VTI1A: variants seen among roughly 807,000 people sequenced by gnomAD.
VTI1A encodes vesicle transport through interaction with t-SNAREs homolog 1A.
A neutral mutation model predicts 34.9 loss-of-function variants in VTI1A; 22 were observed. The ratio of observed to expected loss-of-function variants is 0.63; its 90% CI spans 0.45 to 0.90. VTI1A has a LOEUF of 0.90. Ranked by LOEUF, VTI1A falls within the 40% of genes least tolerant of loss-of-function variation. The pLI, the probability that VTI1A is intolerant of heterozygous loss-of-function variation, is 0.00. For missense variants in VTI1A, 268 were observed against 275.6 expected (o/e 0.97, Z 0.20); for synonymous variants, 87 against 97.3 (o/e 0.89, Z 0.62).
rs1408856229 is a variant in VTI1A, at chr10:112,461,941, C to CGT, written c.153+1361_153+1362dup. ...ATGTTAGCCAGGCTGGTCTTGAACT[C>CGT]GTGCCCTCAAGTGATCTGCCCGCCT... On this transcript the variant is annotated intron_variant, in intron 2 of 7. Transcript: ENST00000393077. 2.0e-5 allele frequency among the ~76,000 whole-genome samples: 3 copies of CGT among 152,348 alleles called. No homozygotes were observed. The East Asian group carries it at 5.8e-4, about 29-fold the overall frequency.
chr10:112,447,342 C>A lies in VTI1A; in HGVS notation c.-32C>A. The A allele has an allele frequency of 6.2e-7, 1 of 1,606,704 alleles. No homozygotes were observed. The highest frequency in any genetic ancestry group is 8.5e-7 in the Non-Finnish European group (1 of 1,176,684). ...CTCGAGGCCCTTTCCCTGACCTAGG[C>A]TTTGGCCTGGGCTACTCGTTCCGGA... On this transcript the variant is annotated 5_prime_UTR_variant, in exon 1 of 8. Coordinates refer to ENST00000393077, the MANE Select transcript of VTI1A (RefSeq NM_145206.4).
intron 7 of VTI1A, among the ~76,000 whole-genome samples, chr10:112,750,363 A>AT (rs36022209): frequency 0.044 from 6,633 of 149,320 alleles, 177 homozygotes; most frequent in Non-Finnish European, 0.053. Context: ...TAATTTTGTA[A>AT]TTTTTTTTTT....
At chr10:112,845,755 C>T in the VTI1A span, among the ~76,000 whole-genome samples, 12 of 152,212 alleles carry the variant, frequency 7.9e-5, no homozygotes, top group Non-Finnish European at 1.0e-4. Context: ...TGGTGGCTCA[C>T]GCCTGTAATC....
At chr10:112,665,357 G>A (rs1042869042) in intron 5 of VTI1A, among the ~76,000 whole-genome samples, 2 of 149,812 alleles carry the variant, frequency 1.3e-5, no homozygotes, top group African/African-American at 2.4e-5. Flanking sequence ...TTTTCATTCC[G>A]TAATAGTAAT....
chr10:112,578,388 G>T (rs1017372879), intron 5 of VTI1A, among the ~76,000 whole-genome samples: 4 of 152,164 alleles, frequency 2.6e-5, no homozygotes, highest in African/African-American at 9.6e-5. Context: ...TGAGTAAAAG[G>T]TATATATTGA....
intron 3 of VTI1A, among the ~76,000 whole-genome samples, chr10:112,471,367 A>ATTTTTT (rs576549183): frequency 1.7e-4 from 16 of 94,398 alleles, no homozygotes; most frequent in African/African-American, 3.0e-4. Context: ...ATTCTTATTG[A>ATTTTTT]TTTTTTTTTT....
chr10:112,778,696 G>GA (rs67718990), intron 7 of VTI1A, among the ~76,000 whole-genome samples: 118,281 of 151,442 alleles, frequency 0.78, 46,430 homozygotes, highest in East Asian at 0.94. Context: ...AGTCCTCCAG[G>GA]AAAAAATTTT....
chr10:112,533,646 C>A, intron 4 of VTI1A: 1 of 769,268 alleles, frequency 1.3e-6, no homozygotes, highest in Non-Finnish European at 1.6e-6. Flanking sequence ...TTTGTTTTTC[C>A]AGGTAAATCT....
chr10:112,726,207 C>G (rs1850020488), intron 7 of VTI1A, among the ~76,000 whole-genome samples: 1 of 152,142 alleles, frequency 6.6e-6, no homozygotes, highest in Admixed American at 6.5e-5. Flanking sequence ...CCACCTCCTT[C>G]TCCAACCAGA....
At chr10:112,545,658 G>A (rs942649377) in intron 5 of VTI1A, among the ~76,000 whole-genome samples, 3 of 152,136 alleles carry the variant, frequency 2.0e-5, no homozygotes, top group Admixed American at 2.0e-4. Flanking sequence ...AAAATGCAGG[G>A]TCTTGGGTCC....
chr10:112,524,670 AAGTAT>A (rs1850155859), intron 3 of VTI1A, among the ~76,000 whole-genome samples: 1 of 152,170 alleles, frequency 6.6e-6, no homozygotes, highest in African/African-American at 2.4e-5. Flanking sequence ...TCTCCTTTTG[AAGTAT>A]AGTAAATCAA....
intron 5 of VTI1A, among the ~76,000 whole-genome samples, chr10:112,540,313 T>C (rs1011568049): frequency 1.3e-5 from 2 of 152,224 alleles, no homozygotes; most frequent in East Asian, 3.8e-4. Flanking sequence ...AACATGGAAA[T>C]GTCAACTTAA....
chr10:112,844,164 A>G, the VTI1A span, among the ~76,000 whole-genome samples: 1 of 152,294 alleles, frequency 6.6e-6, no homozygotes, highest in East Asian at 1.9e-4. Flanking sequence ...TGGATAAACA[A>G]AAGGCCCCCC....
chr10:112,805,294 AG>A (rs1853035254), intron 7 of VTI1A, among the ~76,000 whole-genome samples: 1 of 152,212 alleles, frequency 6.6e-6, no homozygotes, highest in African/African-American at 2.4e-5. Context: ...AAAACTCAAA[AG>A]AAGAATTTTT....
At chr10:112,645,390 T>A (rs1222816133) in intron 5 of VTI1A, among the ~76,000 whole-genome samples, 1 of 152,250 alleles carries the variant, frequency 6.6e-6, no homozygotes, top group Non-Finnish European at 1.5e-5. Flanking sequence ...ACTAAAATGA[T>A]GAGTTAGACC....
At chr10:112,540,156 A>G (rs1223456512) in intron 5 of VTI1A, among the ~76,000 whole-genome samples, 1 of 152,258 alleles carries the variant, frequency 6.6e-6, no homozygotes, top group African/African-American at 2.4e-5. Flanking sequence ...TAAACTATTC[A>G]TATAGCTCCC....
rs543671061 is a variant in VTI1A, at chr10:112,681,473, A to G, written c.560+12475A>G. ...CTGTTTTTGTATGGCCTGCAGGCCA[A>G]TAATGGTTTACATGTTTAAATGATT... is the stretch of plus-strand genomic sequence containing the variant. On this transcript the variant is annotated intron_variant, in intron 7 of 7. Coordinates refer to ENST00000393077, the MANE Select transcript of VTI1A (RefSeq NM_145206.4). 1.1e-4 allele frequency among the ~76,000 whole-genome samples: 17 copies of G among 152,370 alleles called. No individual in the cohort carries two copies. In the South Asian group the frequency reaches 3.3e-3, roughly 30 times the overall value.
rs577066002 is a variant in VTI1A, at chr10:112,645,199, A to C, written c.428-23019A>C. Among the ~76,000 whole-genome samples, 36 of 152,330 alleles carry C rather than the reference A, an allele frequency of 2.4e-4. No homozygotes were observed. In the Middle Eastern group the frequency reaches 0.01, roughly 43 times the overall value. ...TGTTTGTGGAATTAATGTGGAATCT[A>C]TTTATGATAGCTCAATATGTACCCA... On this transcript the variant is annotated intron_variant, in intron 5 of 7. Transcript: ENST00000393077.
At chr10:112,761,768 CTCTGTGTG>C (rs1564915614) in intron 7 of VTI1A, among the ~76,000 whole-genome samples, 1 of 82,322 alleles carries the variant, frequency 1.2e-5, no homozygotes, top group African/African-American at 3.8e-5. Context: ...CTCTTTCTTT[CTCTGTGTG>C]TGTGTGTGTG....
Sources: allele counts gnomAD v4.1 joint callset (sites outside exome capture counted in the v4.1 genomes callset), GRCh38; gene constraint gnomAD v4.1.1; transcripts MANE v1.5; gene names NCBI Gene and HGNC (gene_info 2026-07-23, HGNC 2026-07-21).